Variants in CSMD1 observed in about 807,000 individuals in gnomAD.
CSMD1 encodes the protein CUB and Sushi multiple domains 1.
A neutral mutation model predicts 417.5 loss-of-function variants in CSMD1; 213 were observed. The observed-to-expected ratio is 0.51, with a 90% CI of 0.46 to 0.57. The LOEUF (loss-of-function observed/expected upper bound fraction) is 0.57. Among genes scored for constraint, CSMD1 ranks in the 20% least tolerant of loss-of-function variants. The pLI is 0.00. For synonymous variants in CSMD1, 2,862 were observed against 1,736.8 expected, an observed-to-expected ratio of 1.65 and a Z score of -16.11; for missense variants, 6,923 against 4,529.7, an observed-to-expected ratio of 1.53 and a Z score of -15.17.
chr8:3,205,971 C>G (rs1299120069), intron 30 of CSMD1, among the ~76,000 whole-genome samples: 1 of 152,058 alleles, frequency 6.6e-6, no homozygotes, highest in South Asian at 2.1e-4. Flanking sequence ...GAAGTCAATC[C>G]TCATATTAAC....
intron 3 of CSMD1, among the ~76,000 whole-genome samples, chr8:4,124,782 G>C (rs570871760): frequency 1.3e-5 from 2 of 151,988 alleles, no homozygotes; most frequent in African/African-American, 4.8e-5. Context: ...CATATAGGAA[G>C]TTTAAGCTCT....
chr8:3,007,345 T>C lies in CSMD1; in HGVS notation c.8030-7214A>G, dbSNP rs1211209713. On this transcript the variant is annotated intron_variant, in intron 52 of 69. Coordinates refer to ENST00000635120, the MANE Select transcript of CSMD1 (RefSeq NM_033225.6). ...GTGGGACTGTAAACTAGTTCAACCA[T>C]TGTGGAAGTCAGTGTGGCGATTCCT... is the stretch of plus-strand genomic sequence containing the variant. 2.0e-5 allele frequency among the ~76,000 whole-genome samples: 3 copies of C among 152,026 alleles called. 1 individual carries two copies. Among genetic ancestry groups the C allele is most frequent in the East Asian group, 1.9e-4 (1 of 5,156 alleles).
intron 23 of CSMD1, among the ~76,000 whole-genome samples, chr8:3,324,839 T>A (rs542443128): frequency 1.3e-5 from 2 of 152,348 alleles, no homozygotes; most frequent in Admixed American, 6.5e-5. Context: ...TCACTTCAGA[T>A]CTTTGCAGAT....
In CSMD1 at chr8:4,838,588, A is replaced by C. The variant is rs116945498; in HGVS notation, c.85+155744T>G. ...GGGTGCATGTTGAGGATATATTCAT[A>C]AACAATCAGTTTGTGCTTTGGCAGA... On this transcript the variant is annotated intron_variant, in intron 1 of 69. Transcript: ENST00000635120. Among the ~76,000 whole-genome samples the C allele has an allele frequency of 6.2e-4, 95 of 152,362 alleles. No homozygotes were observed. The East Asian group carries it at 0.014, about 22-fold the overall frequency.
intron 3 of CSMD1, among the ~76,000 whole-genome samples, chr8:4,392,260 T>C (rs1445000975): frequency 6.6e-6 from 1 of 152,070 alleles, no homozygotes; most frequent in Admixed American, 6.6e-5. Context: ...AACTGAAGAG[T>C]TATTTGCATG....
chr8:4,452,663 A>G (rs1400727884), intron 2 of CSMD1, among the ~76,000 whole-genome samples: 2 of 152,246 alleles, frequency 1.3e-5, no homozygotes, highest in Non-Finnish European at 2.9e-5. Flanking sequence ...GTAACATTGC[A>G]TATTTTCTCC....
intron 5 of CSMD1, among the ~76,000 whole-genome samples, chr8:3,842,123 AC>A (rs1803177016): frequency 6.6e-6 from 1 of 151,996 alleles, no homozygotes; most frequent in Non-Finnish European, 1.5e-5. Flanking sequence ...GCCTAATTCA[AC>A]CCCGATCTCT....
At chr8:3,599,393 G>C (rs987913115) in intron 8 of CSMD1, among the ~76,000 whole-genome samples, 3 of 151,920 alleles carry the variant, frequency 2.0e-5, no homozygotes, top group Non-Finnish European at 4.4e-5. Flanking sequence ...CCCCAACGCA[G>C]CATTATTCAC....
At chr8:3,791,564 C>T (rs917845465) in intron 5 of CSMD1, among the ~76,000 whole-genome samples, 2 of 152,198 alleles carry the variant, frequency 1.3e-5, no homozygotes, top group East Asian at 1.9e-4. Context: ...TGGCTCACGC[C>T]TATAATCCCA....
chr8:4,640,479 T>G (rs2130866261), intron 1 of CSMD1, among the ~76,000 whole-genome samples: 2 of 152,292 alleles, frequency 1.3e-5, no homozygotes, highest in Non-Finnish European at 2.9e-5. Context: ...AGATATAGAA[T>G]CTAGATTTAA....
intron 7 of CSMD1, among the ~76,000 whole-genome samples, chr8:3,645,461 C>T (rs961353130): frequency 6.6e-6 from 1 of 152,092 alleles, no homozygotes. Flanking sequence ...TTAAAGCAGA[C>T]ATTTACTAAC....
chr8:3,934,326 T>C (rs948867022), intron 5 of CSMD1, among the ~76,000 whole-genome samples: 5 of 152,182 alleles, frequency 3.3e-5, no homozygotes, highest in Admixed American at 2.6e-4. Flanking sequence ...ATTTCAAAAA[T>C]AGTTAACACG....
At chr8:3,606,309 T>C (rs1309437370) in intron 8 of CSMD1, among the ~76,000 whole-genome samples, 1 of 152,128 alleles carries the variant, frequency 6.6e-6, no homozygotes, top group African/African-American at 2.4e-5. Flanking sequence ...CCAGATGGTG[T>C]AGCCTGATAC....
chr8:3,122,344 T>C lies in CSMD1; in HGVS notation c.6242-3757A>G, dbSNP rs147787808. ...TTTCTGGTAAAGCTACATTATACCA[T>C]GGAACTACTGCGTTGATTAGAGACA... On this transcript the variant is annotated intron_variant, in intron 41 of 69. Coordinates refer to ENST00000635120, the MANE Select transcript of CSMD1 (RefSeq NM_033225.6). Among the ~76,000 whole-genome samples, 187 of 152,338 alleles carry C rather than the reference T, an allele frequency of 1.2e-3. 1 individual carries two copies. Among genetic ancestry groups the C allele is most frequent in the African/African-American group, 4.2e-3 (176 of 41,584 alleles).
At chr8:4,324,810 T>C (rs533005273) in intron 3 of CSMD1, among the ~76,000 whole-genome samples, 6 of 152,180 alleles carry the variant, frequency 3.9e-5, no homozygotes, top group Admixed American at 3.9e-4. Context: ...GCTTCCCATG[T>C]CTTGCTAGAG....
chr8:4,126,101 ACT>A (rs1308750861), intron 3 of CSMD1, among the ~76,000 whole-genome samples: 4 of 151,324 alleles, frequency 2.6e-5, no homozygotes, highest in Non-Finnish European at 4.4e-5. Context: ...AGCAAGAAAA[ACT>A]CACTTTGACC....
intron 1 of CSMD1, among the ~76,000 whole-genome samples, chr8:4,738,277 T>A (rs1810370951): frequency 1.3e-5 from 2 of 152,366 alleles, no homozygotes; most frequent in African/African-American, 2.4e-5. Context: ...TATAAACAAC[T>A]GCTTGAGAAT....
chr8:4,516,590 G>A (rs776945243), intron 2 of CSMD1, among the ~76,000 whole-genome samples: 17 of 152,094 alleles, frequency 1.1e-4, no homozygotes, highest in Non-Finnish European at 1.8e-4. Flanking sequence ...AGCTTGTGTT[G>A]TATGGGGTCT....
chr8:4,016,632 CTT>C (rs1388997166), intron 4 of CSMD1, among the ~76,000 whole-genome samples: 2 of 152,194 alleles, frequency 1.3e-5, no homozygotes, highest in African/African-American at 4.8e-5. Flanking sequence ...AGAGATGACT[CTT>C]TGCTTTGTCT....
Sources: allele counts gnomAD v4.1 joint callset (sites outside exome capture counted in the v4.1 genomes callset), GRCh38; gene constraint gnomAD v4.1.1; transcripts MANE v1.5; gene names NCBI Gene and HGNC (gene_info 2026-07-23, HGNC 2026-07-21).